PPARGC1A: variants seen among roughly 807,000 people sequenced by gnomAD.
PPARGC1A encodes peroxisome proliferator-activated receptor gamma coactivator 1-alpha.
A neutral mutation model predicts 88.7 loss-of-function variants in PPARGC1A; 25 were observed. The ratio of observed to expected loss-of-function variants is 0.28; its 90% CI spans 0.21 to 0.39. The LOEUF is 0.39. PPARGC1A is among the 10% of genes least tolerant of loss of function. The probability of loss-of-function intolerance (pLI) is 1.00; values close to 1 mark genes in which losing one functional copy is unlikely to be tolerated. For missense variants in PPARGC1A, 880 were observed against 968.7 expected, an observed-to-expected ratio of 0.91 and a Z score of 1.22; for synonymous variants, 363 against 355.6, an observed-to-expected ratio of 1.02 and a Z score of -0.24.
the PPARGC1A span, among the ~76,000 whole-genome samples, chr4:24,084,753 T>C: frequency 1.3e-5 from 2 of 151,966 alleles, no homozygotes; most frequent in Non-Finnish European, 1.5e-5. Context: ...ATGAAAAAAA[T>C]GAATTGATGA....
chr4:24,426,600 TG>T, the PPARGC1A span, among the ~76,000 whole-genome samples: 1 of 152,360 alleles, frequency 6.6e-6, no homozygotes, highest in Middle Eastern at 3.4e-3. Flanking sequence ...TGGTCATTAC[TG>T]GTCAGATAAT....
chr4:23,943,718 G>C, the PPARGC1A span, among the ~76,000 whole-genome samples: 12 of 152,262 alleles, frequency 7.9e-5, no homozygotes, highest in East Asian at 2.3e-3. Flanking sequence ...CTGTGCAGTG[G>C]AGAACCCTGG....
chr4:23,881,081 A>G (rs1715833982), intron 2 of PPARGC1A: 1 of 152,242 alleles, frequency 6.6e-6, no homozygotes, highest in African/African-American at 2.4e-5. Context: ...CCATCTTTAC[A>G]GACTGCTGTG....
the PPARGC1A span, among the ~76,000 whole-genome samples, chr4:23,934,675 T>C: frequency 1.5e-3 from 222 of 152,292 alleles, 1 homozygote; most frequent in Admixed American, 4.5e-3. Flanking sequence ...CTAATCATAT[T>C]GGTTACATTT....
the PPARGC1A span, among the ~76,000 whole-genome samples, chr4:24,009,509 A>C: frequency 6.6e-6 from 1 of 152,238 alleles, no homozygotes; most frequent in Non-Finnish European, 1.5e-5. Flanking sequence ...GATGACAGGC[A>C]GTGAGAAGCT....
the PPARGC1A span, among the ~76,000 whole-genome samples, chr4:24,296,088 AC>A: frequency 6.6e-6 from 1 of 151,098 alleles, no homozygotes; most frequent in Non-Finnish European, 1.5e-5. Context: ...GTACATATAT[AC>A]ACACATACAT....
At chr4:24,369,999 G>C in the PPARGC1A span, among the ~76,000 whole-genome samples, 4 of 152,200 alleles carry the variant, frequency 2.6e-5, no homozygotes, top group Non-Finnish European at 4.4e-5. Context: ...AAAGAGAAAG[G>C]CTTGGCTTGG....
At chr4:24,048,377 C>T in the PPARGC1A span, among the ~76,000 whole-genome samples, 1 of 152,146 alleles carries the variant, frequency 6.6e-6, no homozygotes, top group Non-Finnish European at 1.5e-5. Flanking sequence ...TCCGCAGCTC[C>T]ACTCTTTTGT....
At chr4:23,847,746 A>G (rs1306398752) in intron 2 of PPARGC1A, among the ~76,000 whole-genome samples, 1 of 152,204 alleles carries the variant, frequency 6.6e-6, no homozygotes, top group Non-Finnish European at 1.5e-5. Flanking sequence ...GTCAAATAGC[A>G]CTTGTTCAGT....
the PPARGC1A span, among the ~76,000 whole-genome samples, chr4:24,177,384 C>T: frequency 2.8e-3 from 429 of 150,638 alleles, 6 homozygotes; most frequent in East Asian, 0.011. Context: ...CCAAACACCG[C>T]ATGTTCTCAC....
At chr4:24,054,027 G>A in the PPARGC1A span, among the ~76,000 whole-genome samples, 1 of 152,110 alleles carries the variant, frequency 6.6e-6, no homozygotes, top group South Asian at 2.1e-4. Context: ...ATATACACTA[G>A]TTACTGATAT....
chr4:23,979,746 C>A, the PPARGC1A span, among the ~76,000 whole-genome samples: 1 of 152,164 alleles, frequency 6.6e-6, no homozygotes, highest in African/African-American at 2.4e-5. Context: ...GGGAAAATAA[C>A]CATTTGGATG....
chr4:24,396,485 T>A, the PPARGC1A span, among the ~76,000 whole-genome samples: 1 of 152,084 alleles, frequency 6.6e-6, no homozygotes, highest in Non-Finnish European at 1.5e-5. Flanking sequence ...CCTGGGCAGA[T>A]CAAATGCCAC....
chr4:24,297,631 C>T, the PPARGC1A span, among the ~76,000 whole-genome samples: 2 of 151,998 alleles, frequency 1.3e-5, no homozygotes, highest in Non-Finnish European at 2.9e-5. Flanking sequence ...ATTGCAGGAA[C>T]CAAAAAATAA....
intron 2 of PPARGC1A, among the ~76,000 whole-genome samples, chr4:23,862,512 C>T (rs1731386779): frequency 2.0e-5 from 3 of 152,164 alleles, no homozygotes; most frequent in Non-Finnish European, 4.4e-5. Flanking sequence ...CTTCTGGTTA[C>T]TTTCTGTAAC....
the PPARGC1A span, among the ~76,000 whole-genome samples, chr4:24,352,232 A>G: frequency 6.6e-6 from 1 of 152,118 alleles, no homozygotes; most frequent in African/African-American, 2.4e-5. Context: ...GAGGGCTTTG[A>G]GTCTGAAGAA....
chr4:24,107,177 T>G, the PPARGC1A span, among the ~76,000 whole-genome samples: 2 of 152,274 alleles, frequency 1.3e-5, no homozygotes, highest in African/African-American at 2.4e-5. Context: ...ATTGCTATAT[T>G]ACTTTTCATT....
chr4:23,918,916 T>G, the PPARGC1A span, among the ~76,000 whole-genome samples: 1 of 152,162 alleles, frequency 6.6e-6, no homozygotes, highest in African/African-American at 2.4e-5. Flanking sequence ...ATGCAAACCC[T>G]GCTTCTCTGT....
At chr4:24,357,001 G>A in the PPARGC1A span, among the ~76,000 whole-genome samples, 1 of 152,076 alleles carries the variant, frequency 6.6e-6, no homozygotes, top group Non-Finnish European at 1.5e-5. Flanking sequence ...TCCCCATCCT[G>A]GGAACAGCCC....
Sources: gnomAD v4.1 joint callset for allele counts (sites outside exome capture counted in the v4.1 genomes callset) on GRCh38, gnomAD v4.1.1 for gene constraint, MANE v1.5 for transcripts, NCBI Gene and HGNC (gene_info 2026-07-23, HGNC 2026-07-21) for gene names.